Variants in ANKRD17 observed in about 807,000 individuals in gnomAD.
ANKRD17 encodes the protein ankyrin repeat domain 17, also known as ankyrin repeat domain-containing protein 17.
In ANKRD17, 19 loss-of-function variants were observed where a neutral mutation model predicts 229.7. That is an observed-to-expected ratio of 0.08 (90% CI 0.06 to 0.12). ANKRD17 has a LOEUF of 0.12. Ranked by LOEUF, ANKRD17 falls within the 10% of genes least tolerant of loss-of-function variation. The pLI is 1.00. For synonymous variants in ANKRD17, 1,112 were observed against 1,146.1 expected (o/e 0.97, Z 0.60); for missense variants, 2,176 against 3,176.8 (o/e 0.68, Z 7.57).
chr4:73,196,580 T>C (rs1275697647), intron 1 of ANKRD17, among the ~76,000 whole-genome samples: 1 of 152,208 alleles, frequency 6.6e-6, no homozygotes, highest in Non-Finnish European at 1.5e-5. Context: ...TTATGTCTGA[T>C]TTTAAGTGAG....
rs1405893079 is a variant in ANKRD17 at position 73,179,513 on chromosome 4, TA to T, written c.394-1981del. On this transcript the variant is annotated intron_variant, in intron 1 of 33. Coordinates refer to ENST00000358602, the MANE Select transcript of ANKRD17 (RefSeq NM_032217.5). ...GTATATATATATATATATATATATA[TA>T]TATATTTTTTTTTTTTTTTTTAAAG... Among the ~76,000 whole-genome samples, 70 of 100,030 alleles carry T rather than the reference TA, an allele frequency of 7.0e-4. 1 individual carries two copies. Among genetic ancestry groups the T allele is most frequent in the African/African-American group, 2.1e-3 (55 of 26,800 alleles). 65.6% of individuals were successfully genotyped at this position (100,030 alleles called of 152,430 possible). A position where few individuals can be genotyped will look rare whatever the true frequency, so the allele number is the denominator to read the frequency against.
chr4:73,251,687 C>A (rs1334689165), intron 1 of ANKRD17, among the ~76,000 whole-genome samples: 1 of 151,992 alleles, frequency 6.6e-6, no homozygotes, highest in African/African-American at 2.4e-5. Context: ...CATCTGTGGT[C>A]AAGTATGGAA....
chr4:73,146,991 T>G, intron 9 of ANKRD17, 118 bp from the exon 10 acceptor site: 1 of 852,054 alleles, frequency 1.2e-6, no homozygotes, highest in South Asian at 2.2e-5. Context: ...AATTCAAACT[T>G]CACTCATTTC....
At chr4:73,102,694 T>C (rs1724154275) in intron 24 of ANKRD17, 147 bp from the exon 25 acceptor site, 3 of 844,960 alleles carry the variant, frequency 3.6e-6, no homozygotes, top group Non-Finnish European at 5.4e-6. Context: ...AAGATCATAT[T>C]CAAACCACTC....
intron 9 of ANKRD17, 88 bp downstream of exon 9, chr4:73,147,153 A>C: frequency 8.0e-7 from 1 of 1,256,458 alleles, no homozygotes; most frequent in Non-Finnish European, 1.1e-6. Flanking sequence ...CATTCAGTGT[A>C]TCATAGCATC....
chr4:73,075,058 C>T lies in ANKRD17; in HGVS notation c.*1173G>A, dbSNP rs559413818. ...ATGCAGAATTTCTTTTATTACTTGGCTCAAATTAACTGTTGATCCTTTTCA... is the reference window on the plus strand; with the variant it reads ...ATGCAGAATTTCTTTTATTACTTGGTTCAAATTAACTGTTGATCCTTTTCA... On this transcript the variant is annotated 3_prime_UTR_variant, in exon 34 of 34. Transcript: ENST00000358602. 1 of 152,312 alleles carries T rather than the reference C, an allele frequency of 6.6e-6. No homozygotes were observed. The highest frequency in any genetic ancestry group is 1.5e-5 in the Non-Finnish European group (1 of 67,922). 9.4% of individuals were successfully genotyped at this position (152,312 alleles called of 1,614,324 possible). A position where few individuals can be genotyped will look rare whatever the true frequency, so the allele number is the denominator to read the frequency against.
chr4:73,217,512 A>G (rs948176019), intron 1 of ANKRD17, among the ~76,000 whole-genome samples: 6 of 152,056 alleles, frequency 3.9e-5, no homozygotes, highest in African/African-American at 1.2e-4. Flanking sequence ...TCCAAAATCC[A>G]AAACTTTTTT....
At chr4:73,191,516 G>C (rs1578338043) in intron 1 of ANKRD17, among the ~76,000 whole-genome samples, 2 of 151,762 alleles carry the variant, frequency 1.3e-5, no homozygotes, top group African/African-American at 2.4e-5. Flanking sequence ...ACAAAACCTA[G>C]AAACTAGGAA....
At chr4:73,228,173 G>A (rs1224174476) in intron 1 of ANKRD17, among the ~76,000 whole-genome samples, 1 of 152,064 alleles carries the variant, frequency 6.6e-6, no homozygotes, top group Non-Finnish European at 1.5e-5. Flanking sequence ...AAACCCAAGT[G>A]TGAAAGAGCC....
chr4:73,197,445 G>T (rs1738038228), intron 1 of ANKRD17, among the ~76,000 whole-genome samples: 1 of 152,164 alleles, frequency 6.6e-6, no homozygotes, highest in Non-Finnish European at 1.5e-5. Flanking sequence ...AACTCTGAGA[G>T]AAAGAAACAG....
At chr4:73,211,502 C>T (rs977905999) in intron 1 of ANKRD17, among the ~76,000 whole-genome samples, 1 of 152,120 alleles carries the variant, frequency 6.6e-6, no homozygotes, top group Non-Finnish European at 1.5e-5. Flanking sequence ...GAGATACACA[C>T]TATCATCTCA....
chr4:73,100,258 G>A (rs1723806709), intron 25 of ANKRD17, among the ~76,000 whole-genome samples: 2 of 152,130 alleles, frequency 1.3e-5, no homozygotes, highest in Non-Finnish European at 1.5e-5. Flanking sequence ...CACATGGCAG[G>A]CTGGGTGACC....
intron 1 of ANKRD17, among the ~76,000 whole-genome samples, chr4:73,245,062 G>A (rs181061556): frequency 4.1e-4 from 63 of 152,188 alleles, no homozygotes; most frequent in African/African-American, 1.4e-3. Flanking sequence ...GGCAAACTCC[G>A]ACCTACAAGA....
At chr4:73,142,153 A>G (rs12500051) in intron 13 of ANKRD17, 89 bp downstream of exon 13, 559,730 of 1,349,696 alleles carry the variant, frequency 0.41, 119,134 homozygotes, top group South Asian at 0.45. Context: ...TTAGAACAAA[A>G]AAAAACCCTA....
At chr4:73,252,180 T>C (rs1407283731) in intron 1 of ANKRD17, among the ~76,000 whole-genome samples, 1 of 152,222 alleles carries the variant, frequency 6.6e-6, no homozygotes, top group Non-Finnish European at 1.5e-5. Context: ...AGACACATGG[T>C]ACTGTATAGC....
chr4:73,153,580 T>C (rs576380674), intron 6 of ANKRD17, among the ~76,000 whole-genome samples: 1 of 152,282 alleles, frequency 6.6e-6, no homozygotes, highest in Admixed American at 6.5e-5. Context: ...TACCCCTTCA[T>C]ACCAAGCAAA....
intron 31 of ANKRD17, 71 bp downstream of exon 31, chr4:73,078,571 A>T (rs1721244217): frequency 4.0e-6 from 6 of 1,499,866 alleles, no homozygotes; most frequent in Non-Finnish European, 5.4e-6. Flanking sequence ...TGACTATTAA[A>T]GTTAAATACT....
At chr4:73,171,178 G>GGAGAGA (rs56882212) in intron 2 of ANKRD17, among the ~76,000 whole-genome samples, 5,750 of 104,398 alleles carry the variant, frequency 0.055, 368 homozygotes, top group African/African-American at 0.083. Flanking sequence ...CTCAGAGGGG[G>GGAGAGA]GAGAGAGAGA....
At chr4:73,242,958 A>G (rs1460247486) in intron 1 of ANKRD17, among the ~76,000 whole-genome samples, 6 of 152,182 alleles carry the variant, frequency 3.9e-5, no homozygotes, top group Admixed American at 3.9e-4. Flanking sequence ...ACTAAAAGGG[A>G]GGTAAAAGAA....
Sources: gnomAD v4.1 joint callset for allele counts (sites outside exome capture counted in the v4.1 genomes callset) on GRCh38, gnomAD v4.1.1 for gene constraint, MANE v1.5 for transcripts, NCBI Gene and HGNC (gene_info 2026-07-23, HGNC 2026-07-21) for gene names.